SNTG2: variants seen among roughly 807,000 people sequenced by gnomAD.
SNTG2 encodes the protein gamma-2-syntrophin.
In SNTG2, 74 loss-of-function variants were observed where a neutral mutation model predicts 70.9. The ratio of observed to expected loss-of-function variants is 1.04; its 90% CI spans 0.86 to 1.27. SNTG2 has a LOEUF of 1.27. Ranked by LOEUF, SNTG2 falls within the 50% of genes most tolerant of loss-of-function variation. The pLI, the probability that SNTG2 is intolerant of heterozygous loss-of-function variation, is 0.00. For missense variants in SNTG2, 717 were observed against 690.7 expected (o/e 1.04, Z -0.43); for synonymous variants, 278 against 273.8 (o/e 1.02, Z -0.15).
intron 1 of SNTG2, among the ~76,000 whole-genome samples, chr2:1,073,574 T>C (rs1447268713): frequency 6.6e-6 from 1 of 152,248 alleles, no homozygotes; most frequent in East Asian, 1.9e-4. Context: ...ACTTGCATTA[T>C]CGCAATATCC....
chr2:1,018,235 G>A (rs1659972823), intron 1 of SNTG2, among the ~76,000 whole-genome samples: 1 of 152,178 alleles, frequency 6.6e-6, no homozygotes, highest in Non-Finnish European at 1.5e-5. Flanking sequence ...CTTACGTTCT[G>A]TTCAGTGCAT....
intron 12 of SNTG2, among the ~76,000 whole-genome samples, chr2:1,249,156 G>A (rs1677613469): frequency 6.6e-6 from 1 of 152,158 alleles, no homozygotes; most frequent in Admixed American, 6.5e-5. Context: ...GACAACTGAA[G>A]GCCCCTCATT....
intron 16 of SNTG2, among the ~76,000 whole-genome samples, chr2:1,365,079 G>T (rs1306689108): frequency 1.1e-5 from 1 of 93,418 alleles, no homozygotes; most frequent in African/African-American, 4.7e-5. Context: ...CTTCTAGAAA[G>T]CTACTTGGTT....
intron 12 of SNTG2, among the ~76,000 whole-genome samples, chr2:1,254,962 C>A (rs141036130): frequency 2.5e-4 from 38 of 152,296 alleles, no homozygotes; most frequent in African/African-American, 9.1e-4. Flanking sequence ...AATCATTCCC[C>A]AGAGAAAATC....
chr2:962,501 C>G (rs2147947050), intron 1 of SNTG2, among the ~76,000 whole-genome samples: 1 of 152,260 alleles, frequency 6.6e-6, no homozygotes, highest in South Asian at 2.1e-4. Flanking sequence ...TCGCTGTATC[C>G]AGTTGCTGGA....
At chr2:1,055,579 G>T (rs1487424879) in intron 1 of SNTG2, among the ~76,000 whole-genome samples, 1 of 152,066 alleles carries the variant, frequency 6.6e-6, no homozygotes, top group African/African-American at 2.4e-5. Context: ...TTGAGTCAGT[G>T]TGATGCCAGA....
chr2:1,141,610 T>A (rs1388662125), intron 6 of SNTG2, among the ~76,000 whole-genome samples: 2 of 152,174 alleles, frequency 1.3e-5, no homozygotes, highest in African/African-American at 4.8e-5. Context: ...GAATAAAATT[T>A]ACCTCCTCCA....
At chr2:1,332,645 A>T (rs11889565) in intron 16 of SNTG2, among the ~76,000 whole-genome samples, 3,072 of 152,326 alleles carry the variant, frequency 0.02, 102 homozygotes, top group African/African-American at 0.07. Flanking sequence ...GGATGCAGGG[A>T]TGGTTTAACA....
intron 14 of SNTG2, among the ~76,000 whole-genome samples, chr2:1,291,855 T>C (rs1399896988): frequency 6.6e-6 from 1 of 152,192 alleles, no homozygotes; most frequent in African/African-American, 2.4e-5. Context: ...AAGATGGATT[T>C]TTCTATTTCT....
intron 14 of SNTG2, among the ~76,000 whole-genome samples, chr2:1,299,122 T>C (rs1403662601): frequency 6.6e-6 from 1 of 152,196 alleles, no homozygotes; most frequent in Admixed American, 6.5e-5. Flanking sequence ...TACAAGATAC[T>C]TTTATCCCAT....
chr2:1,320,706 A>G (rs1461378399), intron 16 of SNTG2, among the ~76,000 whole-genome samples: 1 of 152,068 alleles, frequency 6.6e-6, no homozygotes, highest in Non-Finnish European at 1.5e-5. Context: ...TTTAAAAAAA[A>G]AGAGTGGAGA....
At chr2:962,944 G>T (rs1414435111) in intron 1 of SNTG2, among the ~76,000 whole-genome samples, 1 of 152,144 alleles carries the variant, frequency 6.6e-6, no homozygotes, top group East Asian at 1.9e-4. Flanking sequence ...GAATTTGGAG[G>T]TACTGCAAAT....
rs1660664788 is a variant in SNTG2 at position 1,353,029 on chromosome 2, G to T, written c.1489-14314G>T. ...GACATCACCTCCCGGCTGCACAGTT[G>T]CCCAGCGTGTTCCTGTGCTGTGTCT... On this transcript the variant is annotated intron_variant, in intron 16 of 16. Transcript: ENST00000308624. This position sits in a 1 kb window ranked among gnomAD's most constrained non-coding sequence, Gnocchi z 4.2. Among the ~76,000 whole-genome samples the T allele has an allele frequency of 6.6e-6, 1 of 152,094 alleles. No homozygotes were observed. Among genetic ancestry groups the T allele is most frequent in the South Asian group, 2.1e-4 (1 of 4,826 alleles).
chr2:1,052,569 C>T (rs1025730024), intron 1 of SNTG2, among the ~76,000 whole-genome samples: 6 of 152,112 alleles, frequency 3.9e-5, no homozygotes, highest in African/African-American at 1.4e-4. Flanking sequence ...TCATGTATTT[C>T]TGCTCTTATT....
At chr2:1,067,461 G>A (rs1231067575) in intron 1 of SNTG2, among the ~76,000 whole-genome samples, 2 of 152,170 alleles carry the variant, frequency 1.3e-5, no homozygotes, top group Non-Finnish European at 2.9e-5. Context: ...TCCATGGAAA[G>A]GATAAAATAC....
chr2:1,037,079 C>T (rs1460204785), intron 1 of SNTG2, among the ~76,000 whole-genome samples: 1 of 152,238 alleles, frequency 6.6e-6, no homozygotes, highest in Non-Finnish European at 1.5e-5. Context: ...AAAGTAGAAA[C>T]CCACCAAGTC....
chr2:1,224,212 C>T (rs1017065720), intron 9 of SNTG2, among the ~76,000 whole-genome samples: 6 of 152,188 alleles, frequency 3.9e-5, no homozygotes, highest in African/African-American at 9.7e-5. Flanking sequence ...CAACACTGAA[C>T]GTTTGGGGAG....
intron 9 of SNTG2, among the ~76,000 whole-genome samples, chr2:1,215,528 T>C (rs909530203): frequency 1.3e-5 from 2 of 150,170 alleles, no homozygotes; most frequent in African/African-American, 5.0e-5. Context: ...TAAAAGCGTG[T>C]TTTACACTAA....
At chr2:1,060,424 G>A (rs541972522) in intron 1 of SNTG2, among the ~76,000 whole-genome samples, 2 of 152,268 alleles carry the variant, frequency 1.3e-5, no homozygotes, top group Admixed American at 6.5e-5. Context: ...GTGTCCTACC[G>A]TGGAGCACTG....
Sources: gnomAD v4.1 joint callset for allele counts (sites outside exome capture counted in the v4.1 genomes callset) on GRCh38, gnomAD v4.1.1 for gene constraint, Gnocchi (gnomAD v3.1) non-coding constraint, MANE v1.5 for transcripts, NCBI Gene and HGNC (gene_info 2026-07-23, HGNC 2026-07-21) for gene names.